Variants in POT1 observed in about 807,000 individuals in gnomAD.
POT1 encodes the protein protection of telomeres 1.
In POT1, 47 loss-of-function variants were observed where a neutral mutation model predicts 78.5. The observed-to-expected ratio is 0.60, with a 90% confidence interval of 0.47 to 0.76. POT1 has a LOEUF of 0.76. Ranked by LOEUF, POT1 falls within the 30% of genes least tolerant of loss-of-function variation. The pLI, the probability that POT1 is intolerant of heterozygous loss-of-function variation, is 0.00. For synonymous variants in POT1, 259 were observed against 260.7 expected (o/e 0.99, Z 0.06); for missense variants, 646 against 749.9 (o/e 0.86, Z 1.62).
At chr7:124,898,879 G>A (rs1413452247) in intron 3 of POT1, among the ~76,000 whole-genome samples, 1 of 152,142 alleles carries the variant, frequency 6.6e-6, no homozygotes, top group African/African-American at 2.4e-5. Flanking sequence ...GTTTGTAACA[G>A]TAGTAAGAAG....
intron 3 of POT1, 70 bp from the exon 4 acceptor site, chr7:124,898,444 C>T (rs1796545530): frequency 6.6e-6 from 1 of 151,762 alleles, no homozygotes; most frequent in Admixed American, 6.6e-5. Context: ...CATATAAATC[C>T]TTATTTATAT....
At chr7:124,841,826 T>A (rs1795035001) in intron 13 of POT1, among the ~76,000 whole-genome samples, 1 of 151,978 alleles carries the variant, frequency 6.6e-6, no homozygotes. Flanking sequence ...CAAAGCTGTA[T>A]GATTTTACAA....
At chr7:124,858,880 T>A (rs1305532827) in intron 9 of POT1, 77 bp downstream of exon 9, 3 of 1,052,202 alleles carry the variant, frequency 2.9e-6, no homozygotes, top group Non-Finnish European at 4.1e-6. Context: ...TGTAACCATA[T>A]ATAAAAAATT....
intron 2 of POT1, among the ~76,000 whole-genome samples, chr7:124,921,326 T>C (rs1361972081): frequency 6.6e-6 from 1 of 152,056 alleles, no homozygotes; most frequent in Non-Finnish European, 1.5e-5. Flanking sequence ...AATACAAGTA[T>C]ACAAGAAATA....
chr7:124,901,842 A>C (rs1485221622), intron 3 of POT1, among the ~76,000 whole-genome samples: 3 of 152,158 alleles, frequency 2.0e-5, no homozygotes, highest in Non-Finnish European at 4.4e-5. Context: ...TGACCTGATG[A>C]AGTGGAAAAC....
At chr7:124,829,809 C>A (rs1794719031) in intron 15 of POT1, among the ~76,000 whole-genome samples, 2 of 152,052 alleles carry the variant, frequency 1.3e-5, no homozygotes, top group Admixed American at 6.5e-5. Flanking sequence ...AAGTGAGCCT[C>A]CCACCTCAGC....
chr7:124,917,902 A>C (rs550496646), intron 2 of POT1, among the ~76,000 whole-genome samples: 1 of 152,284 alleles, frequency 6.6e-6, no homozygotes, highest in East Asian at 1.9e-4. Context: ...GAACTTGGAA[A>C]GGGAATCCCT....
At chr7:124,913,459 G>A (rs1236043847) in intron 3 of POT1, among the ~76,000 whole-genome samples, 1 of 151,986 alleles carries the variant, frequency 6.6e-6, no homozygotes, top group Admixed American at 6.6e-5. Context: ...GTCCTTTGAT[G>A]CATAAAATTT....
At chr7:124,899,044 C>T (rs1483816424) in intron 3 of POT1, among the ~76,000 whole-genome samples, 2 of 152,138 alleles carry the variant, frequency 1.3e-5, no homozygotes, top group South Asian at 2.1e-4. Flanking sequence ...CCTTAAGATA[C>T]ACCAAAATGT....
At chr7:124,913,553 T>C (rs1362705102) in intron 3 of POT1, among the ~76,000 whole-genome samples, 1 of 152,196 alleles carries the variant, frequency 6.6e-6, no homozygotes, top group African/African-American at 2.4e-5. Context: ...CATTGCCAAA[T>C]CCAAGCTCAT....
At position 124,842,888 on chromosome 7, in the gene POT1, C is replaced by T. The variant is rs778352298; in HGVS notation, c.1082G>A (p.Arg361His). 7.5e-6 allele frequency: 12 copies of T among 1,610,300 alleles called. No homozygotes were observed. The highest frequency in any genetic ancestry group is 1.6e-4 in the Middle Eastern group (1 of 6,072). ...ATATGACCTCAATTTTGCTCGGATG[C>T]GGTATTGTTGAGGAGCTTTTTGTTT... The part of the protein sequence containing the change: ...ILKQKAPQQY[R>H]IRAKLRSYKP... The change falls in exon 13 of 19, where the codon CGC (arginine) becomes CAC (histidine). Residue 361 changes from arginine (R) to histidine (H), a missense_variant. Transcript: ENST00000357628.
At chr7:124,927,516 A>G (rs538993045) in intron 2 of POT1, among the ~76,000 whole-genome samples, 2 of 152,322 alleles carry the variant, frequency 1.3e-5, no homozygotes, top group East Asian at 3.9e-4. Context: ...AATCTATACA[A>G]GTGTTATTGA....
rs541364209 is a variant in POT1 at position 124,923,290 on chromosome 7, T to C, written c.-227+5525A>G. Reference sequence around the variant, plus strand: ...GAAATCAGAAAATGAATTCTGTTTATGAATGAGAGATTTACCAATGAGACA... The same window carrying C: ...GAAATCAGAAAATGAATTCTGTTTACGAATGAGAGATTTACCAATGAGACA... On this transcript the variant is annotated intron_variant, in intron 2 of 18. Transcript: ENST00000357628. 5.3e-5 allele frequency among the ~76,000 whole-genome samples: 8 copies of C among 151,946 alleles called. No individual in the cohort carries two copies. In the East Asian group the frequency reaches 1.2e-3, roughly 22 times the overall value.
chr7:124,854,505 T>C (rs1425508595), intron 9 of POT1, among the ~76,000 whole-genome samples: 1 of 151,976 alleles, frequency 6.6e-6, no homozygotes, highest in East Asian at 1.9e-4. Context: ...CTCTTAATTA[T>C]ATTTCCCCTC....
chr7:124,917,273 GGGA>G (rs771037007), intron 2 of POT1, among the ~76,000 whole-genome samples: 1 of 152,148 alleles, frequency 6.6e-6, no homozygotes, highest in Non-Finnish European at 1.5e-5. Context: ...CTCTTGAGCA[GGGA>G]GGAGATCTTA....
At chr7:124,907,345 C>T (rs1411846993) in intron 3 of POT1, among the ~76,000 whole-genome samples, 1 of 151,994 alleles carries the variant, frequency 6.6e-6, no homozygotes, top group African/African-American at 2.4e-5. Flanking sequence ...TTACTGCAAA[C>T]CAGTCTCAGA....
chr7:124,891,177 C>A (rs1184013380), intron 6 of POT1, among the ~76,000 whole-genome samples: 1 of 151,654 alleles, frequency 6.6e-6, no homozygotes, highest in African/African-American at 2.4e-5. Flanking sequence ...GAAATGTCTG[C>A]TTCATGGATT....
intron 2 of POT1, among the ~76,000 whole-genome samples, chr7:124,915,944 A>G (rs1797004896): frequency 6.6e-6 from 1 of 152,120 alleles, no homozygotes; most frequent in Admixed American, 6.6e-5. Flanking sequence ...CTTTGTTTTA[A>G]TCTGTAATAT....
intron 12 of POT1, among the ~76,000 whole-genome samples, chr7:124,845,740 C>A (rs1183185492): frequency 6.6e-6 from 1 of 151,250 alleles, no homozygotes; most frequent in Non-Finnish European, 1.5e-5. Context: ...ATTTCATTAT[C>A]CCTTTTATAT....
Sources: gnomAD v4.1 joint callset for allele counts (sites outside exome capture counted in the v4.1 genomes callset) on GRCh38, gnomAD v4.1.1 for gene constraint, MANE v1.5 for transcripts, NCBI Gene and HGNC (gene_info 2026-07-23, HGNC 2026-07-21) for gene names.